The following TMEM165 variants were observed in gnomAD, a reference collection of about 807,000 sequenced individuals.
TMEM165 encodes transmembrane protein 165.
In TMEM165, 19 loss-of-function variants were observed where a neutral mutation model predicts 30.0. That is an observed-to-expected ratio of 0.63 (90% CI 0.44 to 0.93). The LOEUF (loss-of-function observed/expected upper bound fraction) is 0.93. Among genes scored for constraint, TMEM165 ranks in the 40% least tolerant of loss-of-function variants. The pLI, the probability that TMEM165 is intolerant of heterozygous loss-of-function variation, is 0.00. For synonymous variants in TMEM165, 168 were observed against 162.9 expected, an observed-to-expected ratio of 1.03 and a Z score of -0.24; for missense variants, 340 against 417.0, an observed-to-expected ratio of 0.82 and a Z score of 1.61.
At chr4:55,402,058 C>T (rs1272078834) in intron 1 of TMEM165, among the ~76,000 whole-genome samples, 3 of 138,188 alleles carry the variant, frequency 2.2e-5, no homozygotes, top group Admixed American at 7.6e-5. Flanking sequence ...GTGGAGGTTG[C>T]AGTGAACCAA....
chr4:55,448,601 C>CGCGCGCGCGT (rs764071880), intron 3 of TMEM165, among the ~76,000 whole-genome samples: 1 of 116,980 alleles, frequency 8.5e-6, no homozygotes, highest in African/African-American at 3.1e-5. Flanking sequence ...CGCACGCGCG[C>CGCGCGCGCGT]GTGTGTGTGT....
rs192110496 is a variant in TMEM165 at position 55,398,296 on chromosome 4, T to C, written c.207+1900T>C. ...GGAGATTCTGATATGGGAGGGAATCTGGGAGATAAAGTTACTGGGAAGTGA... is the reference window on the plus strand; with the variant it reads ...GGAGATTCTGATATGGGAGGGAATCCGGGAGATAAAGTTACTGGGAAGTGA... On this transcript the variant is annotated intron_variant, in intron 1 of 5. Coordinates refer to ENST00000381334, the MANE Select transcript of TMEM165 (RefSeq NM_018475.5). Among the ~76,000 whole-genome samples, 517 of 152,330 alleles carry C rather than the reference T, an allele frequency of 3.4e-3. 4 individuals carry two copies. Among genetic ancestry groups the C allele is most frequent in the Non-Finnish European group, 4.1e-3 (277 of 68,030 alleles).
chr4:55,400,375 A>ATTTAAT (rs1560386157), intron 1 of TMEM165, among the ~76,000 whole-genome samples: 121 of 44,282 alleles, frequency 2.7e-3, no homozygotes, highest in South Asian at 0.013. Context: ...AATTATATTA[A>ATTTAAT]TATAATAATA....
At chr4:55,438,362 T>TCTGCTGCTG (rs753230415) in intron 3 of TMEM165, 12 of 1,613,030 alleles carry the variant, frequency 7.4e-6, no homozygotes, top group Non-Finnish European at 1.0e-5. Context: ...TCCTGGGAGC[T>TCTGCTGCTG]CTGCTGCTGC....
intron 4 of TMEM165, chr4:55,423,664 C>T (rs1037080044): frequency 1.3e-5 from 2 of 152,670 alleles, no homozygotes; most frequent in African/African-American, 2.4e-5. Flanking sequence ...CTCAAGCAAT[C>T]CTCTTGCTTC....
chr4:55,402,795 CTTT>C (rs71194554), intron 1 of TMEM165, among the ~76,000 whole-genome samples: 4 of 71,394 alleles, frequency 5.6e-5, no homozygotes, highest in African/African-American at 1.9e-4. Flanking sequence ...TTAAAAAAAG[CTTT>C]TTTTTTTTTT....
At position 55,413,170 on chromosome 4, in the gene TMEM165, G is replaced by A. The variant is rs181959860; in HGVS notation, c.433+1331G>A. ...AAATTTTTTGTTTTTTGTAGAGACA[G>A]GGTCTGGTTGTGTTGCCCAGGCTGA... is the stretch of plus-strand genomic sequence containing the variant. On this transcript the variant is annotated intron_variant, in intron 2 of 5. Coordinates refer to ENST00000381334, the MANE Select transcript of TMEM165 (RefSeq NM_018475.5). Among the ~76,000 whole-genome samples, 510 of 151,926 alleles carry A rather than the reference G, an allele frequency of 3.4e-3. 1 individual carries two copies. The highest frequency in any genetic ancestry group is 0.012 in the African/African-American group (490 of 41,430).
In TMEM165 at chr4:55,424,634, G is replaced by A. The variant is rs1300355749; in HGVS notation, c.889G>A (p.Val297Ile). 1 of 1,597,914 alleles carries A rather than the reference G, an allele frequency of 6.3e-7. No homozygotes were observed. The highest frequency in any genetic ancestry group is 2.2e-5 in the East Asian group (1 of 44,824). The part of the protein sequence containing the change: ...GGRMIAQKIS[V>I]RTVTIIGGIV... ...AAGAATGATAGCACAGAAAATCTCTGTCAGAACTGGTAAGTCTTGAAAATT... is the reference window on the plus strand; with the variant it reads ...AAGAATGATAGCACAGAAAATCTCTATCAGAACTGGTAAGTCTTGAAAATT... The change falls in exon 5 of 6, where the codon GTC (valine) becomes ATC (isoleucine). Residue 297 changes from valine (V) to isoleucine (I), a missense_variant. Physicochemically the swap from Val to Ile is conservative, Grantham distance 29. Around this residue, in one of 2 missense-constraint regions of TMEM165, gnomAD observed 220 missense variants for 307.6 expected, o/e 0.72. Transcript: ENST00000381334.
chr4:55,419,665 T>G (rs1052850912), intron 4 of TMEM165, among the ~76,000 whole-genome samples: 3 of 152,204 alleles, frequency 2.0e-5, no homozygotes, highest in African/African-American at 7.2e-5. Context: ...AACCTCTTTT[T>G]CATCTTAACT....
Position 55,416,785 on chromosome 4 carries a change from G to T in TMEM165, c.434-287G>T, listed in dbSNP as rs568753878. ...GGCAAGCCAGCCTCTGACTGAACAT[G>T]CCTGGAAAGGAGTTCAATATCTTAC... On this transcript the variant is annotated intron_variant, in intron 2 of 5. Transcript: ENST00000381334. 1.3e-4 allele frequency: 31 copies of T among 230,316 alleles called. No homozygotes were observed. In the East Asian group the frequency reaches 3.1e-3, roughly 23 times the overall value. 14.3% of individuals were successfully genotyped at this position (230,316 alleles called of 1,614,324 possible).
At chr4:55,423,642 C>G (rs1722074569) in intron 4 of TMEM165, 2 of 152,376 alleles carry the variant, frequency 1.3e-5, no homozygotes, top group African/African-American at 2.4e-5. Flanking sequence ...AGGCTAGTCT[C>G]AAACTGCCAG....
chr4:55,438,491 C>T, intron 3 of TMEM165: 3 of 1,613,786 alleles, frequency 1.9e-6, no homozygotes, highest in Non-Finnish European at 1.7e-6. Flanking sequence ...CCACAAGCTA[C>T]AGGAGCAGTC....
In TMEM165 at chr4:55,438,568, G is replaced by C. The variant is rs987533833; in HGVS notation, c.409-13671G>C. 6.2e-6 allele frequency: 10 copies of C among 1,612,088 alleles called. No homozygotes were observed. The Admixed American group carries it at 1.7e-4, about 27-fold the overall frequency. On this transcript the variant is annotated intron_variant, in intron 3 of 3. Coordinates refer to the TMEM165 transcript ENST00000608091. The stretch of plus-strand genomic sequence containing the variant: ...AGAAGAAAGAAGGAAAAAAATTGGA[G>C]TCCAAAGTACAAGGTATACATCATA...
At chr4:55,396,418 G>A (rs1228528168) in intron 1 of TMEM165, 22 bp downstream of exon 1, 2 of 1,430,520 alleles carry the variant, frequency 1.4e-6, no homozygotes, top group Admixed American at 3.0e-5. Context: ...GGGATGGGGC[G>A]AGCGAGGCTG....
intron 3 of TMEM165, chr4:55,449,437 G>A: frequency 1.2e-6 from 2 of 1,613,984 alleles, no homozygotes; most frequent in African/African-American, 1.3e-5. Flanking sequence ...ATCTTCTCAT[G>A]AGCTGGTAAA....
intron 3 of TMEM165, chr4:55,438,627 T>C: frequency 6.3e-7 from 1 of 1,585,846 alleles, no homozygotes; most frequent in Non-Finnish European, 8.6e-7. Context: ...CCTAAGATAA[T>C]ACCCAATGAC....
intron 1 of TMEM165, chr4:55,403,294 C>T (rs1262593605): frequency 7.8e-7 from 1 of 1,287,150 alleles, no homozygotes; most frequent in South Asian, 1.2e-5. Context: ...AAAGCATCTT[C>T]ATCTTCTCTA....
chr4:55,453,011 G>C (rs1295870334), exon 4 of TMEM165: 1 of 1,335,250 alleles, frequency 7.5e-7, no homozygotes. Context: ...TCTTTTATTG[G>C]GGAGAAATTA....
chr4:55,446,076 C>A (rs566716874), intron 3 of TMEM165, among the ~76,000 whole-genome samples: 11 of 150,418 alleles, frequency 7.3e-5, no homozygotes, highest in Admixed American at 6.0e-4. Context: ...TTGTGGCTAC[C>A]ACTTACTGGA....
Sources: allele counts gnomAD v4.1 joint callset (sites outside exome capture counted in the v4.1 genomes callset), GRCh38; gene constraint gnomAD v4.1.1; regional missense constraint gnomAD v4.1.1; transcripts MANE v1.5; gene names NCBI Gene and HGNC (gene_info 2026-07-23, HGNC 2026-07-21).